Variants in GLS observed in about 807,000 individuals in gnomAD.
GLS encodes glutaminase kidney isoform, mitochondrial.
GLS carries 36 observed loss-of-function variants against 86.7 expected under a neutral mutation model. That is an observed-to-expected ratio of 0.42 (90% CI 0.32 to 0.55). The LOEUF is 0.55. GLS is among the 20% of genes least tolerant of loss of function. The pLI, the probability that GLS is intolerant of heterozygous loss-of-function variation, is 0.17. For synonymous variants in GLS, 317 were observed against 305.9 expected (o/e 1.04, Z -0.38); for missense variants, 528 against 833.4 (o/e 0.63, Z 4.51).
In GLS at chr2:190,943,883, A is replaced by G. The variant is rs1287172534; in HGVS notation, c.1651-9682A>G. ...AGTAAGGCTCTGGAGACCAGTGAAA[A>G]TGAGGGATTTCTTTTCTAACATTAA... On this transcript the variant is annotated intron_variant, in intron 14 of 17. Coordinates refer to ENST00000320717, the MANE Select transcript of GLS (RefSeq NM_014905.5). The surrounding 1 kb of genome is among the most constrained non-coding windows in gnomAD (Gnocchi z 4.5). 1.3e-5 allele frequency among the ~76,000 whole-genome samples: 2 copies of G among 152,220 alleles called. No homozygotes were observed. Among genetic ancestry groups the G allele is most frequent in the Non-Finnish European group, 2.9e-5 (2 of 68,026 alleles).
Position 190,902,021 on chromosome 2 carries a change from A to G in GLS, c.810A>G (p.Gly270=). The change falls in exon 5 of 18, where the codon GGA becomes GGG. Residue 270 remains glycine (G), a synonymous_variant. Coordinates refer to ENST00000320717, the MANE Select transcript of GLS (RefSeq NM_014905.5). ...LWGVSVCTVD[G]QRHSTGDTKV... ...GTGTGTCTGTTTGTACAGTAGATGG[A>G]CAGAGGTAAGTTTATTTCAAATTCA... is the stretch of plus-strand genomic sequence containing the variant. The G allele has an allele frequency of 6.2e-7, 1 of 1,600,112 alleles. No individual in the cohort carries two copies. Among genetic ancestry groups the G allele is most frequent in the Non-Finnish European group, 8.6e-7 (1 of 1,167,402 alleles).
At chr2:190,942,617 T>C (rs1690470386) in intron 14 of GLS, among the ~76,000 whole-genome samples, 1 of 152,132 alleles carries the variant, frequency 6.6e-6, no homozygotes, top group African/African-American at 2.4e-5. Context: ...GACTACCAGG[T>C]TTTTAGTATG....
intron 1 of GLS, among the ~76,000 whole-genome samples, chr2:190,893,113 A>G (rs1469184403): frequency 1.3e-5 from 2 of 152,200 alleles, no homozygotes; most frequent in East Asian, 1.9e-4. Context: ...TTGGTATGTT[A>G]TTATCCACTG....
At chr2:190,928,916 TGGTCTGCTTGTTTTG>T (rs1690001004) in intron 12 of GLS, among the ~76,000 whole-genome samples, 1 of 122,100 alleles carries the variant, frequency 8.2e-6, no homozygotes, top group Non-Finnish European at 1.7e-5. Context: ...TTTTTTTTTT[TGGTCTGCTTGTTTTG>T]TTTAGTTTTG....
chr2:190,929,598 T>C (rs1327087128), intron 12 of GLS, among the ~76,000 whole-genome samples: 2 of 150,942 alleles, frequency 1.3e-5, no homozygotes, highest in Non-Finnish European at 2.9e-5. Flanking sequence ...GCCTCCCGAG[T>C]AGCTGGGATT....
intron 1 of GLS, among the ~76,000 whole-genome samples, chr2:190,884,173 G>T (rs1411990970): frequency 6.6e-6 from 1 of 151,942 alleles, no homozygotes; most frequent in East Asian, 1.9e-4. Context: ...TTCCTCACTG[G>T]GTAAAAACCC....
chr2:190,934,815 T>C, intron 14 of GLS: 1 of 968,252 alleles, frequency 1.0e-6, no homozygotes, highest in African/African-American at 1.8e-5. Context: ...GCTACTGTGT[T>C]TAGAAAATGT....
chr2:190,948,336 AT>A (rs201609016), intron 14 of GLS, among the ~76,000 whole-genome samples: 12 of 151,604 alleles, frequency 7.9e-5, no homozygotes, highest in East Asian at 3.9e-4. Context: ...AAGTTTCCTG[AT>A]TTTTTTTTCT....
intron 7 of GLS, among the ~76,000 whole-genome samples, chr2:190,917,898 C>T (rs904229783): frequency 1.3e-5 from 2 of 151,876 alleles, no homozygotes; most frequent in Non-Finnish European, 2.9e-5. Flanking sequence ...AACCAGTCTG[C>T]TCAATATAGT....
chr2:190,893,270 C>T (rs1265210543), intron 1 of GLS, among the ~76,000 whole-genome samples: 1 of 152,084 alleles, frequency 6.6e-6, no homozygotes, highest in African/African-American at 2.4e-5. Flanking sequence ...GTTAGAGAGC[C>T]AGTATAATGT....
At chr2:190,934,466 T>C in intron 14 of GLS, 1 of 969,438 alleles carries the variant, frequency 1.0e-6, no homozygotes, top group South Asian at 4.8e-5. Context: ...TTGAATGTTC[T>C]TTGAATGTTC....
chr2:190,910,962 G>C (rs4853528), intron 7 of GLS, among the ~76,000 whole-genome samples: 125,785 of 148,788 alleles, frequency 0.85, 54,545 homozygotes, highest in Non-Finnish European at 0.94. Context: ...TTTGGTTTGC[G>C]TTAATAATTG....
intron 1 of GLS, among the ~76,000 whole-genome samples, chr2:190,893,437 C>G (rs923212094): frequency 1.3e-5 from 2 of 152,022 alleles, no homozygotes; most frequent in Non-Finnish European, 2.9e-5. Context: ...TAAGTATGTA[C>G]CAGAAATCAT....
At chr2:190,902,430 G>A (rs951857045) in intron 5 of GLS, among the ~76,000 whole-genome samples, 5 of 152,072 alleles carry the variant, frequency 3.3e-5, no homozygotes, top group Non-Finnish European at 7.4e-5. Context: ...GATAAAATTA[G>A]CATGAGAATT....
intron 5 of GLS, among the ~76,000 whole-genome samples, chr2:190,903,465 A>G (rs1300848337): frequency 3.3e-5 from 5 of 152,206 alleles, no homozygotes; most frequent in African/African-American, 1.2e-4. Context: ...AAGGGACACA[A>G]TGAAATGAAA....
rs1690866076 is a variant in GLS at position 190,956,575 on chromosome 2, G to A, written c.1853+1757G>A. 6.6e-6 allele frequency among the ~76,000 whole-genome samples: 1 copy of A among 152,036 alleles called. No homozygotes were observed. Among genetic ancestry groups the A allele is most frequent in the Non-Finnish European group, 1.5e-5 (1 of 68,018 alleles). ...TCTTCTTTTTGCTTAGGATCGTCTTGGCTATGTGGGCTCTTTTTTGGTTAT... is the reference window on the plus strand; with the variant it reads ...TCTTCTTTTTGCTTAGGATCGTCTTAGCTATGTGGGCTCTTTTTTGGTTAT... On this transcript the variant is annotated intron_variant, in intron 17 of 17. Transcript: ENST00000320717. This position sits in a 1 kb window ranked among gnomAD's most constrained non-coding sequence, Gnocchi z 4.2.
rs1690143085 is a variant in GLS at position 190,932,580 on chromosome 2, A to G, written c.1650+943A>G. 4 of 555,902 alleles carry G rather than the reference A, an allele frequency of 7.2e-6. No homozygotes were observed. The South Asian group carries it at 1.5e-4, about 20-fold the overall frequency. The allele number at this position is 555,902 out of a possible 1,614,324, so 34.4% of individuals were successfully genotyped here. ...TTCCATGGGAGTCGACCTGAGTAAC[A>G]TGAAGCAAAATGTCAGAGGTGGTGG... On this transcript the variant is annotated intron_variant, in intron 14 of 17. Coordinates refer to ENST00000320717, the MANE Select transcript of GLS (RefSeq NM_014905.5).
At chr2:190,906,523 A>G (rs974588747) in intron 6 of GLS, among the ~76,000 whole-genome samples, 3 of 152,316 alleles carry the variant, frequency 2.0e-5, no homozygotes, top group African/African-American at 7.2e-5. Context: ...GACAAATCAG[A>G]GATTTAGAAT....
In GLS at chr2:190,954,685, A is replaced by G. The variant is rs1400309053; in HGVS notation, c.1789+25A>G. Reference sequence around the variant, plus strand: ...GGTAATACAGGAACTACTCCTATCTATTTTCTTTCCAGATTTAATTTCTAC... The same window carrying G: ...GGTAATACAGGAACTACTCCTATCTGTTTTCTTTCCAGATTTAATTTCTAC... On this transcript the variant is annotated intron_variant, in intron 16 of 17. Transcript: ENST00000320717. The surrounding 1 kb of genome is among the most constrained non-coding windows in gnomAD (Gnocchi z 4.0). 7 of 1,607,534 alleles carry G rather than the reference A, an allele frequency of 4.4e-6. No individual in the cohort carries two copies. The highest frequency in any genetic ancestry group is 1.1e-5 in the South Asian group (1 of 90,932).
Sources: gnomAD v4.1 joint callset for allele counts (sites outside exome capture counted in the v4.1 genomes callset) on GRCh38, gnomAD v4.1.1 for gene constraint, Gnocchi (gnomAD v3.1) non-coding constraint, MANE v1.5 for transcripts, NCBI Gene and HGNC (gene_info 2026-07-23, HGNC 2026-07-21) for gene names.